The following ATAD1 variants were observed in gnomAD, a reference collection of about 807,000 sequenced individuals.
ATAD1 encodes ATPase family AAA domain containing 1.
A neutral mutation model predicts 42.7 loss-of-function variants in ATAD1; 18 were observed. The observed-to-expected ratio is 0.42, with a 90% CI of 0.29 to 0.63. ATAD1 has a LOEUF of 0.63. ATAD1 is among the 20% of genes least tolerant of loss of function. The probability of loss-of-function intolerance (pLI) is 0.19; values close to 1 mark genes in which losing one functional copy is unlikely to be tolerated. For synonymous variants in ATAD1, 132 were observed against 143.1 expected, an observed-to-expected ratio of 0.92 and a Z score of 0.55; for missense variants, 294 against 440.4, an observed-to-expected ratio of 0.67 and a Z score of 2.98.
intron 7 of ATAD1, among the ~76,000 whole-genome samples, chr10:87,769,998 T>C (rs564211911): frequency 1.1e-3 from 174 of 152,242 alleles, no homozygotes; most frequent in African/African-American, 3.9e-3. Context: ...CTAAATTAAG[T>C]TTAAAAATCT....
chr10:87,766,126 G>C (rs893071368), intron 8 of ATAD1, among the ~76,000 whole-genome samples: 3 of 152,134 alleles, frequency 2.0e-5, no homozygotes, highest in Admixed American at 6.5e-5. Flanking sequence ...CATTCTGTTG[G>C]CAAGACTATA....
chr10:87,829,782 C>T (rs1857796495), intron 1 of ATAD1, among the ~76,000 whole-genome samples: 1 of 152,160 alleles, frequency 6.6e-6, no homozygotes, highest in African/African-American at 2.4e-5. Context: ...CCTGATAAAA[C>T]TTGATGAGCT....
chr10:87,755,720 C>G (rs1854189112), intron 9 of ATAD1, among the ~76,000 whole-genome samples: 1 of 151,962 alleles, frequency 6.6e-6, no homozygotes, highest in East Asian at 1.9e-4. Flanking sequence ...ACCAGCCTGG[C>G]CAACATGTCG....
At chr10:87,817,174 A>G in intron 1 of ATAD1, among the ~76,000 whole-genome samples, 1 of 152,372 alleles carries the variant, frequency 6.6e-6, no homozygotes, top group East Asian at 1.9e-4. Context: ...GTAACTATAT[A>G]TACTTTATTG....
At chr10:87,794,275 C>A (rs552239371) in intron 2 of ATAD1, among the ~76,000 whole-genome samples, 42 of 152,232 alleles carry the variant, frequency 2.8e-4, no homozygotes, top group African/African-American at 9.9e-4. Context: ...GGATACATCT[C>A]CTGTTTATCT....
rs186947620 is a variant in ATAD1 at position 87,801,289 on chromosome 10, T to C, written c.163-8534A>G. 6.4e-3 allele frequency among the ~76,000 whole-genome samples: 971 copies of C among 152,318 alleles called. 10 individuals are homozygous for C. Among genetic ancestry groups the C allele is most frequent in the South Asian group, 0.017 (82 of 4,832 alleles). On this transcript the variant is annotated intron_variant, in intron 2 of 9. Transcript: ENST00000680024. ...CTGTAGTATGAAGTTTTTTAAACCT[T>C]TGATATTTGACAAACTTTCCAAAAT...
chr10:87,830,064 C>T (rs1003886604), intron 1 of ATAD1, among the ~76,000 whole-genome samples: 1 of 152,146 alleles, frequency 6.6e-6, no homozygotes, highest in Non-Finnish European at 1.5e-5. Context: ...GGAGTAACAG[C>T]AGGACACTGG....
At chr10:87,815,643 A>G (rs1384467754) in intron 1 of ATAD1, among the ~76,000 whole-genome samples, 2 of 151,996 alleles carry the variant, frequency 1.3e-5, no homozygotes, top group Non-Finnish European at 2.9e-5. Flanking sequence ...TTCTCCTCTC[A>G]CTACTACTAA....
chr10:87,771,182 A>G lies in ATAD1; in HGVS notation c.691-141T>C, dbSNP rs552459814. On this transcript the variant is annotated intron_variant, in intron 6 of 9. Coordinates refer to ENST00000680024, the MANE Select transcript of ATAD1 (RefSeq NM_001321967.2). The stretch of plus-strand genomic sequence containing the variant: ...AGAAATCTGATTTTAAATCACTATT[A>G]TTCAACTATTTACAGGTATAAATTG... The G allele has an allele frequency of 1.7e-5, 10 of 583,500 alleles. No individual in the cohort carries two copies. The Admixed American group carries it at 2.4e-4, about 14-fold the overall frequency. 36.1% of individuals were successfully genotyped at this position (583,500 alleles called of 1,614,324 possible).
chr10:87,763,756 A>G (rs1854607224), intron 8 of ATAD1, among the ~76,000 whole-genome samples: 1 of 152,004 alleles, frequency 6.6e-6, no homozygotes, highest in South Asian at 2.1e-4. Context: ...ACTCTGCTTG[A>G]TAAGATATCT....
At chr10:87,779,392 G>A (rs1244680606) in intron 5 of ATAD1, among the ~76,000 whole-genome samples, 4 of 152,142 alleles carry the variant, frequency 2.6e-5, no homozygotes, top group Non-Finnish European at 2.9e-5. Context: ...ACAAGCCACA[G>A]ACTGGCAAAA....
intron 5 of ATAD1, among the ~76,000 whole-genome samples, chr10:87,781,641 T>C (rs1855563406): frequency 7.9e-6 from 1 of 127,320 alleles, no homozygotes; most frequent in Non-Finnish European, 1.6e-5. Context: ...ATGGAAGAGA[T>C]GAAGAATTTT....
intron 1 of ATAD1, among the ~76,000 whole-genome samples, chr10:87,840,856 T>C (rs1437041585): frequency 2.0e-5 from 3 of 152,252 alleles, no homozygotes; most frequent in Non-Finnish European, 4.4e-5. Flanking sequence ...TAATGTAAAG[T>C]AATATATGAT....
At chr10:87,838,346 T>C (rs1431343910) in intron 1 of ATAD1, among the ~76,000 whole-genome samples, 1 of 151,474 alleles carries the variant, frequency 6.6e-6, no homozygotes, top group Non-Finnish European at 1.5e-5. Context: ...GGCCAACATG[T>C]TGAAACCCAG....
intron 5 of ATAD1, among the ~76,000 whole-genome samples, chr10:87,784,246 ACT>A (rs1855711798): frequency 6.6e-6 from 1 of 152,216 alleles, no homozygotes; most frequent in Non-Finnish European, 1.5e-5. Flanking sequence ...TCTACTGCAT[ACT>A]GTTTGTAACA....
chr10:87,763,311 T>C (rs1304845494), intron 8 of ATAD1, among the ~76,000 whole-genome samples: 1 of 152,164 alleles, frequency 6.6e-6, no homozygotes, highest in Non-Finnish European at 1.5e-5. Flanking sequence ...CTAATCTTTG[T>C]AATTTGCTAG....
chr10:87,777,285 A>C (rs180952091), intron 5 of ATAD1, among the ~76,000 whole-genome samples: 100 of 152,316 alleles, frequency 6.6e-4, no homozygotes, highest in Admixed American at 1.8e-3. Flanking sequence ...ATAAATAAAA[A>C]CGACATGGAA....
intron 2 of ATAD1, among the ~76,000 whole-genome samples, chr10:87,795,286 A>C (rs1409503071): frequency 6.6e-6 from 1 of 152,202 alleles, no homozygotes; most frequent in Non-Finnish European, 1.5e-5. Context: ...GCCACCAAAC[A>C]AACTGTGTCC....
chr10:87,819,023 T>C (rs1857562784), upstream of ATAD1: 1 of 152,122 alleles, frequency 6.6e-6, no homozygotes, highest in African/African-American at 2.4e-5. Context: ...GAAGCATCAC[T>C]TCCTTCAGAC....
Sources: allele counts gnomAD v4.1 joint callset (sites outside exome capture counted in the v4.1 genomes callset), GRCh38; gene constraint gnomAD v4.1.1; transcripts MANE v1.5; gene names NCBI Gene and HGNC (gene_info 2026-07-23, HGNC 2026-07-21).